The following PTPRT variants were observed in gnomAD, a reference collection of about 807,000 sequenced individuals.
PTPRT encodes protein tyrosine phosphatase receptor type T, also known as receptor-type tyrosine-protein phosphatase T.
PTPRT carries 56 observed loss-of-function variants against 176.8 expected under a neutral mutation model. That is an observed-to-expected ratio of 0.32 (90% CI 0.26 to 0.40). The LOEUF (loss-of-function observed/expected upper bound fraction) is 0.40. Ranked by LOEUF, PTPRT falls within the 10% of genes least tolerant of loss-of-function variation. The probability of loss-of-function intolerance (pLI) is 1.00; values close to 1 mark genes in which losing one functional copy is unlikely to be tolerated. For missense variants in PTPRT, 1,540 were observed against 1,908.2 expected (o/e 0.81, Z 3.60); for synonymous variants, 783 against 739.0 (o/e 1.06, Z -0.96).
chr20:42,609,407 G>C (rs2073936808), intron 7 of PTPRT, among the ~76,000 whole-genome samples: 1 of 152,090 alleles, frequency 6.6e-6, no homozygotes, highest in African/African-American at 2.4e-5. Flanking sequence ...TTTCATCCTT[G>C]AGGCATAAGT....
At chr20:42,249,050 A>T (rs1399822067) in intron 13 of PTPRT, among the ~76,000 whole-genome samples, 1 of 152,204 alleles carries the variant, frequency 6.6e-6, no homozygotes, top group Non-Finnish European at 1.5e-5. Context: ...CATGCAGAGA[A>T]ATTAAGTGAG....
intron 1 of PTPRT, among the ~76,000 whole-genome samples, chr20:42,934,794 C>T (rs1239741398): frequency 6.6e-6 from 1 of 152,068 alleles, no homozygotes; most frequent in Non-Finnish European, 1.5e-5. Flanking sequence ...CATAGCCAAG[C>T]ATGGTGGCTC....
chr20:42,327,908 TA>T (rs2057908866), intron 11 of PTPRT, among the ~76,000 whole-genome samples: 1 of 152,040 alleles, frequency 6.6e-6, no homozygotes. Flanking sequence ...TTTAATATTT[TA>T]AAAATCATAT....
intron 15 of PTPRT, among the ~76,000 whole-genome samples, chr20:42,216,562 G>A (rs959486439): frequency 9.2e-5 from 14 of 152,054 alleles, no homozygotes; most frequent in African/African-American, 3.4e-4. Flanking sequence ...TTATAATCAA[G>A]GTACAAAATA....
chr20:42,743,961 C>T (rs2076651906), intron 6 of PTPRT, among the ~76,000 whole-genome samples: 1 of 152,212 alleles, frequency 6.6e-6, no homozygotes, highest in Non-Finnish European at 1.5e-5. Context: ...ACTCTACCTC[C>T]TTTTCTCCAC....
At chr20:42,322,962 C>T (rs372931469) in intron 11 of PTPRT, among the ~76,000 whole-genome samples, 1 of 152,012 alleles carries the variant, frequency 6.6e-6, no homozygotes, top group African/African-American at 2.4e-5. Context: ...CATGAACAGA[C>T]ACTTCTCAAA....
intron 1 of PTPRT, among the ~76,000 whole-genome samples, chr20:43,098,740 C>T (rs894220566): frequency 6.6e-6 from 1 of 152,080 alleles, no homozygotes; most frequent in Non-Finnish European, 1.5e-5. Context: ...CCAGAATAAA[C>T]GCTAAGCACA....
chr20:42,240,797 A>G, intron 14 of PTPRT, among the ~76,000 whole-genome samples: 1 of 152,302 alleles, frequency 6.6e-6, no homozygotes, highest in South Asian at 2.1e-4. Flanking sequence ...TCAAAGGCCT[A>G]CTATATCCTT....
At chr20:42,807,866 T>G (rs1331258139) in intron 2 of PTPRT, among the ~76,000 whole-genome samples, 1 of 152,192 alleles carries the variant, frequency 6.6e-6, no homozygotes, top group African/African-American at 2.4e-5. Context: ...AATAAATATT[T>G]TATTCTTGAA....
chr20:42,567,096 A>AC (rs1445577413), intron 7 of PTPRT, among the ~76,000 whole-genome samples: 1 of 151,936 alleles, frequency 6.6e-6, no homozygotes, highest in Non-Finnish European at 1.5e-5. Context: ...ATATGGTGAA[A>AC]CCCCATCTCC....
intron 1 of PTPRT, among the ~76,000 whole-genome samples, chr20:43,097,406 G>C (rs1265280893): frequency 6.6e-6 from 1 of 152,180 alleles, no homozygotes; most frequent in African/African-American, 2.4e-5. Context: ...TCACAACAAA[G>C]TTGATGATGA....
At chr20:42,086,337 T>C (rs1172356684) in intron 27 of PTPRT, among the ~76,000 whole-genome samples, 2 of 152,128 alleles carry the variant, frequency 1.3e-5, no homozygotes, top group East Asian at 3.9e-4. Context: ...GGAGCAGCCA[T>C]CCACTTTTTC....
chr20:43,124,864 A>G (rs1031199103), intron 1 of PTPRT, among the ~76,000 whole-genome samples: 1 of 152,264 alleles, frequency 6.6e-6, no homozygotes, highest in Non-Finnish European at 1.5e-5. Context: ...GTGGAGTGTG[A>G]AAAGACTGGA....
At chr20:42,685,114 A>G (rs2075670471) in intron 6 of PTPRT, among the ~76,000 whole-genome samples, 1 of 152,234 alleles carries the variant, frequency 6.6e-6, no homozygotes, top group Non-Finnish European at 1.5e-5. Flanking sequence ...GTACATTATG[A>G]TAAAGACAAT....
the PTPRT span, among the ~76,000 whole-genome samples, chr20:42,059,417 G>T: frequency 6.6e-6 from 1 of 152,198 alleles, no homozygotes; most frequent in African/African-American, 2.4e-5. Context: ...TTCTGCCTAA[G>T]GGAAAAGGTG....
At chr20:42,113,338 C>T (rs961871199) in intron 22 of PTPRT, among the ~76,000 whole-genome samples, 2 of 152,256 alleles carry the variant, frequency 1.3e-5, no homozygotes, top group South Asian at 2.1e-4. Context: ...ATCCCATCCT[C>T]GGGCATTCAA....
chr20:42,086,936 T>G (rs989742017), intron 27 of PTPRT, among the ~76,000 whole-genome samples: 2 of 150,492 alleles, frequency 1.3e-5, no homozygotes, highest in African/African-American at 4.9e-5. Context: ...TTCTTTCTAT[T>G]TATCTGGAAT....
At chr20:42,906,645 G>C (rs2145925759) in intron 1 of PTPRT, among the ~76,000 whole-genome samples, 1 of 152,272 alleles carries the variant, frequency 6.6e-6, no homozygotes, top group African/African-American at 2.4e-5. Flanking sequence ...TGTGAGACCA[G>C]AGCCCTACAG....
At position 43,159,004 on chromosome 20, in the gene PTPRT, G is replaced by C. The variant is rs2014607238; in HGVS notation, c.88+30642C>G. 3.9e-5 allele frequency among the ~76,000 whole-genome samples: 6 copies of C among 152,204 alleles called. No individual in the cohort carries two copies. In the South Asian group the frequency reaches 1.2e-3, roughly 32 times the overall value. On this transcript the variant is annotated intron_variant, in intron 1 of 30. Transcript: ENST00000373187. ...CCATTATTATTAGCATTTGACTTAA[G>C]ATGAGGATAAGGGAACAAATCATTT...
Sources: gnomAD v4.1 joint callset for allele counts (sites outside exome capture counted in the v4.1 genomes callset) on GRCh38, gnomAD v4.1.1 for gene constraint, MANE v1.5 for transcripts, NCBI Gene and HGNC (gene_info 2026-07-23, HGNC 2026-07-21) for gene names.